Variants in OR2L13 observed in about 807,000 individuals in gnomAD.
OR2L13 encodes olfactory receptor family 2 subfamily L member 13, also known as olfactory receptor 2L13.
Under a neutral mutation model 15.3 loss-of-function variants are expected in OR2L13, and 14 were observed. The ratio of observed to expected loss-of-function variants is 0.91; its 90% CI spans 0.60 to 1.43. The LOEUF is 1.43. Among genes scored for constraint, OR2L13 ranks in the 40% most tolerant of loss-of-function variants. OR2L13 has a pLI of 0.00. For synonymous variants in OR2L13, 152 were observed against 142.9 expected, an observed-to-expected ratio of 1.06 and a Z score of -0.45; for missense variants, 367 against 387.9, an observed-to-expected ratio of 0.95 and a Z score of 0.45.
chr1:247,938,368 T>C, the OR2L13 span, among the ~76,000 whole-genome samples: 6 of 152,254 alleles, frequency 3.9e-5, no homozygotes, highest in Middle Eastern at 0.014. Context: ...CAACTCATAA[T>C]AATACCTAAT....
the OR2L13 span, among the ~76,000 whole-genome samples, chr1:248,010,171 T>C: frequency 6.6e-6 from 1 of 152,124 alleles, no homozygotes; most frequent in Non-Finnish European, 1.5e-5. Context: ...GCCAAGGCAA[T>C]CAGGCAGGAG....
At chr1:248,072,447 C>T in the OR2L13 span, among the ~76,000 whole-genome samples, 1 of 152,118 alleles carries the variant, frequency 6.6e-6, no homozygotes, top group Non-Finnish European at 1.5e-5. Flanking sequence ...AAACTGGATC[C>T]CTTCCTTACA....
the OR2L13 span, chr1:247,974,921 C>G: frequency 3.7e-6 from 1 of 267,114 alleles, no homozygotes; most frequent in East Asian, 1.0e-4. Context: ...CCATTTATTT[C>G]TTACTTAGTC....
At chr1:248,004,838 A>G in the OR2L13 span, among the ~76,000 whole-genome samples, 4 of 152,194 alleles carry the variant, frequency 2.6e-5, no homozygotes, top group Non-Finnish European at 5.9e-5. Context: ...TTCCCTGCAC[A>G]GTGTATTGAA....
chr1:248,037,864 C>T, the OR2L13 span, among the ~76,000 whole-genome samples: 2 of 152,184 alleles, frequency 1.3e-5, no homozygotes, highest in Non-Finnish European at 2.9e-5. Flanking sequence ...AACGTCACAT[C>T]ACAGTGCCTA....
At chr1:248,044,789 G>A in the OR2L13 span, among the ~76,000 whole-genome samples, 3 of 62,356 alleles carry the variant, frequency 4.8e-5, no homozygotes, top group Middle Eastern at 0.017. Flanking sequence ...CGACCTGGGC[G>A]ACAGAGCGAA....
exon 3 of OR2L13, chr1:248,100,196 C>G (rs773293752): frequency 6.2e-7 from 1 of 1,613,126 alleles, no homozygotes. Flanking sequence ...AAGATCCTGG[C>G]AGTCTTCTAC....
chr1:248,048,924 T>TCTC, the OR2L13 span, among the ~76,000 whole-genome samples: 11 of 85,396 alleles, frequency 1.3e-4, no homozygotes, highest in African/African-American at 7.7e-4. Context: ...TCTCTCTCTC[T>TCTC]TTTTTTTTTT....
At chr1:247,960,102 G>A in the OR2L13 span, among the ~76,000 whole-genome samples, 9 of 152,228 alleles carry the variant, frequency 5.9e-5, no homozygotes, top group East Asian at 5.8e-4. Flanking sequence ...TGATGGTGAC[G>A]TACAGATGGG....
the OR2L13 span, among the ~76,000 whole-genome samples, chr1:248,002,874 A>G: frequency 1.3e-5 from 2 of 150,322 alleles, no homozygotes; most frequent in African/African-American, 2.5e-5. Context: ...AAAAAGAGTT[A>G]TGGTGGATTC....
At chr1:248,048,734 A>G in the OR2L13 span, among the ~76,000 whole-genome samples, 1 of 152,036 alleles carries the variant, frequency 6.6e-6, no homozygotes, top group African/African-American at 2.4e-5. Flanking sequence ...AGTTTCAGAG[A>G]TTCAGAACTT....
At chr1:247,986,598 CTT>C in the OR2L13 span, among the ~76,000 whole-genome samples, 1,597 of 152,200 alleles carry the variant, frequency 0.01, 28 homozygotes, top group African/African-American at 0.036. Flanking sequence ...AATGAGGACT[CTT>C]TTTTGGTTCC....
chr1:248,095,036 A>C (rs1437613047), upstream of OR2L13: 1 of 152,202 alleles, frequency 6.6e-6, no homozygotes, highest in Non-Finnish European at 1.5e-5. Flanking sequence ...TCAGAATTTG[A>C]GTTCATCCCC....
At position 248,099,897 on chromosome 1, in the gene OR2L13, C is replaced by G. The variant is rs147015748; in HGVS notation, c.522C>G (p.Asp174Glu). 6.3e-5 allele frequency: 101 copies of G among 1,614,124 alleles called. 1 individual carries two copies. In the African/African-American group the frequency reaches 1.3e-3, roughly 21 times the overall value. ...CCTACTGCAGGTCTAGGGCTATTGA[C>G]CATTTCTTCTGCGATGTCCCAGCCA... Residue 174 changes from aspartate to glutamate, a missense_variant, in exon 3 of 3, where the codon GAC becomes GAG. Transcript: ENST00000641714.
the OR2L13 span, among the ~76,000 whole-genome samples, chr1:248,089,456 G>T: frequency 6.6e-6 from 1 of 152,112 alleles, no homozygotes; most frequent in African/African-American, 2.4e-5. Flanking sequence ...GCTTGAGATG[G>T]AGCAGGGAGC....
chr1:247,975,951 C>A, the OR2L13 span, among the ~76,000 whole-genome samples: 1 of 151,796 alleles, frequency 6.6e-6, no homozygotes, highest in African/African-American at 2.4e-5. Context: ...TAGCATTCAG[C>A]ATAATAGTTA....
chr1:248,018,384 C>T, the OR2L13 span, among the ~76,000 whole-genome samples: 1 of 151,994 alleles, frequency 6.6e-6, no homozygotes, highest in African/African-American at 2.4e-5. Context: ...TTACAAATAG[C>T]ACCTATTCTA....
upstream of OR2L13, among the ~76,000 whole-genome samples, chr1:248,094,741 C>T (rs948369504): frequency 6.6e-6 from 1 of 152,182 alleles, no homozygotes; most frequent in Admixed American, 6.5e-5. Context: ...AATTTAGTCA[C>T]AATCATCAAT....
At chr1:248,069,052 A>C in the OR2L13 span, among the ~76,000 whole-genome samples, 5 of 152,238 alleles carry the variant, frequency 3.3e-5, no homozygotes, top group East Asian at 5.8e-4. Context: ...AACACTCAGC[A>C]GTATATTATC....
Sources: allele counts gnomAD v4.1 joint callset (sites outside exome capture counted in the v4.1 genomes callset), GRCh38; gene constraint gnomAD v4.1.1; transcripts MANE v1.5; gene names NCBI Gene and HGNC (gene_info 2026-07-23, HGNC 2026-07-21).